The following MANBA variants were observed in gnomAD, a reference collection of about 807,000 sequenced individuals.
The protein encoded by MANBA is beta-mannosidase.
MANBA carries 83 observed loss-of-function variants against 111.1 expected under a neutral mutation model. The observed-to-expected ratio is 0.75, with a 90% CI of 0.63 to 0.90. MANBA has a LOEUF of 0.90. MANBA is among the 40% of genes least tolerant of loss of function. The pLI is 0.00. For missense variants in MANBA, 1,036 were observed against 1,069.0 expected, an observed-to-expected ratio of 0.97 and a Z score of 0.43; for synonymous variants, 370 against 378.7, an observed-to-expected ratio of 0.98 and a Z score of 0.27.
chr4:102,694,758 G>T (rs879686919), intron 5 of MANBA, among the ~76,000 whole-genome samples: 4 of 152,134 alleles, frequency 2.6e-5, no homozygotes, highest in Non-Finnish European at 4.4e-5. Flanking sequence ...TCAGCACAAA[G>T]AGGACAGGAA....
Position 102,717,755 on chromosome 4 carries a change from T to G in MANBA, c.550-3194A>C, listed in dbSNP as rs534489341. Reference sequence around the variant, plus strand: ...GGTCTGGAGGTGCAGGACAGTCTGATGCATTCCAGAAGCTGAAGAGAGAAC... The same window carrying G: ...GGTCTGGAGGTGCAGGACAGTCTGAGGCATTCCAGAAGCTGAAGAGAGAAC... On this transcript the variant is annotated intron_variant, in intron 4 of 16. Coordinates refer to ENST00000647097, the MANE Select transcript of MANBA (RefSeq NM_005908.4). Among the ~76,000 whole-genome samples the G allele has an allele frequency of 3.9e-5, 6 of 152,254 alleles. No individual in the cohort carries two copies. The South Asian group carries it at 8.3e-4, about 21-fold the overall frequency.
rs1415201997 is a variant in MANBA at position 102,673,952 on chromosome 4, G to A, written c.1079C>T (p.Ala360Val). Residue 360 changes from alanine (A) to valine (V), a missense_variant, in exon 8 of 17, where the codon GCA becomes GTA. By Grantham distance (64) the Ala-to-Val change is moderately conservative. Transcript: ENST00000647097. Reference sequence around the variant, plus strand: ...GGTTACTCGGTCCTGGAATGAATCTGCTGGGATCCAGTTTGAGCCTTTTAG... The same window carrying A: ...GGTTACTCGGTCCTGGAATGAATCTACTGGGATCCAGTTTGAGCCTTTTAG... ...IFLKGSNWIP[A>V]DSFQDRVTSE... 6.2e-7 allele frequency: 1 copy of A among 1,611,490 alleles called. No individual in the cohort carries two copies. The highest frequency in any genetic ancestry group is 1.1e-5 in the South Asian group (1 of 91,014).
chr4:102,740,672 T>C (rs1401280446), intron 1 of MANBA, among the ~76,000 whole-genome samples: 1 of 151,068 alleles, frequency 6.6e-6, no homozygotes, highest in Non-Finnish European at 1.5e-5. Flanking sequence ...CTTTGACAAA[T>C]GAAAGAAAAA....
At chr4:102,718,361 TG>T (rs1259848049) in intron 4 of MANBA, among the ~76,000 whole-genome samples, 2 of 152,128 alleles carry the variant, frequency 1.3e-5, no homozygotes, top group Non-Finnish European at 1.5e-5. Context: ...GACACAATAT[TG>T]GGAGACAATG....
intron 5 of MANBA, among the ~76,000 whole-genome samples, chr4:102,700,310 C>T (rs1278931851): frequency 6.6e-6 from 1 of 151,984 alleles, no homozygotes; most frequent in East Asian, 1.9e-4. Flanking sequence ...AAAAAACCAG[C>T]TCCTGGATTC....
Position 102,734,430 on chromosome 4 carries a change from G to A in MANBA, c.178-7747C>T, listed in dbSNP as rs1723135677. ...TTTCCTGGAGAACCTGCTATGGTAC[G>A]GACTCTTCCTGGGAGCCATCTTCCA... is the stretch of plus-strand genomic sequence containing the variant. On this transcript the variant is annotated intron_variant, in intron 1 of 16. Transcript: ENST00000647097. 8 of 1,608,194 alleles carry A rather than the reference G, an allele frequency of 5.0e-6. 1 individual carries two copies. The highest frequency in any genetic ancestry group is 3.3e-5 in the South Asian group (3 of 90,964).
Position 102,657,222 on chromosome 4 carries a change from T to TGG in MANBA, c.1704+458_1704+459dup, listed in dbSNP as rs1553944231. ...AAAAGAGGGAGAGAGAGGAGTGGGGTGGGGGGGGGGTGGGCGGTGGTAATG... is the reference window on the plus strand; with the variant it reads ...AAAAGAGGGAGAGAGAGGAGTGGGGTGGGGGGGGGGGGTGGGCGGTGGTAATG... On this transcript the variant is annotated intron_variant, in intron 12 of 16. Coordinates refer to ENST00000647097, the MANE Select transcript of MANBA (RefSeq NM_005908.4). Among the ~76,000 whole-genome samples the TGG allele has an allele frequency of 4.8e-3, 252 of 52,212 alleles. 6 individuals carry two copies. Among genetic ancestry groups the TGG allele is most frequent in the African/African-American group, 0.017 (224 of 13,404 alleles). 34.3% of individuals were successfully genotyped at this position (52,212 alleles called of 152,430 possible).
intron 5 of MANBA, among the ~76,000 whole-genome samples, chr4:102,712,524 C>CAT (rs1722120357): frequency 6.9e-6 from 1 of 144,966 alleles, no homozygotes; most frequent in Admixed American, 6.9e-5. Flanking sequence ...AATCGGACCA[C>CAT]TTTTTTTTTT....
chr4:102,759,566 G>GAA (rs33991375), intron 1 of MANBA, among the ~76,000 whole-genome samples: 5 of 138,808 alleles, frequency 3.6e-5, no homozygotes, highest in Non-Finnish European at 3.1e-5. Context: ...CACATCTCAG[G>GAA]AAAAAAAAAA....
Position 102,657,792 on chromosome 4 carries a change from G to A in MANBA, c.1594C>T (p.His532Tyr), listed in dbSNP as rs1407169735. The change falls in exon 12 of 17, where the codon CAT becomes TAT. Residue 532 changes from histidine to tyrosine, a missense_variant. Physicochemically the swap from His to Tyr is moderately conservative, Grantham distance 83. Transcript: ENST00000647097. The stretch of plus-strand genomic sequence containing the variant: ...CAATCACTGATATAGTCATAAAAAT[G>A]TACATCACCAAAATAATTGCTATTA... Reference protein sequence around the residue: ...NPNSNYFGDVHFYDYISDCWN... With the variant: ...NPNSNYFGDVYFYDYISDCWN... The A allele has an allele frequency of 1.2e-6, 2 of 1,613,434 alleles. No homozygotes were observed. The highest frequency in any genetic ancestry group is 1.7e-6 in the Non-Finnish European group (2 of 1,179,516).
intron 7 of MANBA, among the ~76,000 whole-genome samples, chr4:102,689,154 G>T (rs1210353442): frequency 1.3e-5 from 2 of 152,036 alleles, no homozygotes; most frequent in East Asian, 3.9e-4. Flanking sequence ...TTCAAGACCT[G>T]CCTGGTCAAC....
At chr4:102,648,674 A>G (rs908837023) in intron 13 of MANBA, among the ~76,000 whole-genome samples, 1 of 152,138 alleles carries the variant, frequency 6.6e-6, no homozygotes, top group Non-Finnish European at 1.5e-5. Context: ...GCACCACTCT[A>G]TAAATATCAC....
chr4:102,689,453 G>A (rs1732377591), intron 7 of MANBA, 121 bp downstream of exon 7: 3 of 615,510 alleles, frequency 4.9e-6, no homozygotes, highest in Non-Finnish European at 8.6e-6. Context: ...TACTAAAGAT[G>A]ATCTCTGATG....
intron 7 of MANBA, among the ~76,000 whole-genome samples, chr4:102,675,093 A>G (rs1731669222): frequency 6.6e-6 from 1 of 152,238 alleles, no homozygotes; most frequent in South Asian, 2.1e-4. Context: ...AATGTCAAGA[A>G]TGCACAGTGA....
At chr4:102,665,168 T>C (rs1173258538) in intron 10 of MANBA, 5 of 266,736 alleles carry the variant, frequency 1.9e-5, no homozygotes, top group Non-Finnish European at 3.6e-5. Flanking sequence ...ACTCTGTGGA[T>C]TGCCACAAAG....
At chr4:102,651,206 G>A (rs1362091801) in intron 12 of MANBA, among the ~76,000 whole-genome samples, 1 of 151,866 alleles carries the variant, frequency 6.6e-6, no homozygotes, top group African/African-American at 2.4e-5. Context: ...CTGTTCACTT[G>A]TTTCTCAGTG....
rs893399356 is a variant in MANBA at position 102,760,965 on chromosome 4, A to G, written c.-71T>C. 3 of 1,419,288 alleles carry G rather than the reference A, an allele frequency of 2.1e-6. No individual in the cohort carries two copies. Among genetic ancestry groups the G allele is most frequent in the Non-Finnish European group, 9.6e-7 (1 of 1,042,724 alleles). 87.9% of individuals were successfully genotyped at this position (1,419,288 alleles called of 1,614,324 possible). ...GCTGCAAGGGACCGGCGGTGAAGCCACTCACCCCCTCGGAAGTAGCCGAGG... is the reference window on the plus strand; with the variant it reads ...GCTGCAAGGGACCGGCGGTGAAGCCGCTCACCCCCTCGGAAGTAGCCGAGG... On this transcript the variant is annotated 5_prime_UTR_variant, in exon 1 of 17. Coordinates refer to ENST00000647097, the MANE Select transcript of MANBA (RefSeq NM_005908.4).
intron 1 of MANBA, chr4:102,728,928 T>G: frequency 1.3e-6 from 1 of 756,534 alleles, no homozygotes; most frequent in Non-Finnish European, 2.4e-6. Context: ...TAACCACTGG[T>G]GGTCTTTGTA....
chr4:102,657,592 T>C (rs1173486911), intron 12 of MANBA, 90 bp downstream of exon 12: 4 of 1,054,566 alleles, frequency 3.8e-6, no homozygotes, highest in Non-Finnish European at 5.8e-6. Context: ...AAGACGTAGG[T>C]TTCATATGAT....
Sources: allele counts gnomAD v4.1 joint callset (sites outside exome capture counted in the v4.1 genomes callset), GRCh38; gene constraint gnomAD v4.1.1; transcripts MANE v1.5; gene names NCBI Gene and HGNC (gene_info 2026-07-23, HGNC 2026-07-21).